Variants in SYT11 observed in about 807,000 individuals in gnomAD.
SYT11 encodes synaptotagmin 11.
SYT11 carries 12 observed loss-of-function variants against 30.4 expected under a neutral mutation model. That is an observed-to-expected ratio of 0.39 (90% CI 0.25 to 0.64). The LOEUF is 0.64. SYT11 is among the 30% of genes least tolerant of loss of function. The pLI is 0.45. For missense variants in SYT11, 412 were observed against 552.0 expected (o/e 0.75, Z 2.54); for synonymous variants, 204 against 216.0 (o/e 0.94, Z 0.49).
chr1:155,878,727 C>T (rs1388035475), intron 2 of SYT11, among the ~76,000 whole-genome samples: 10 of 151,826 alleles, frequency 6.6e-5, no homozygotes, highest in East Asian at 3.9e-4. Context: ...ATTAGCCGGG[C>T]GTGGTGGCGG....
At chr1:155,878,636 C>T (rs904179577) in intron 2 of SYT11, among the ~76,000 whole-genome samples, 12 of 151,368 alleles carry the variant, frequency 7.9e-5, no homozygotes, top group Admixed American at 4.6e-4. Context: ...GAGGCCGAGA[C>T]GGGCGGATCA....
Position 155,859,748 on chromosome 1 carries a change from C to T in SYT11, c.-14C>T. 2 of 1,614,016 alleles carry T rather than the reference C, an allele frequency of 1.2e-6. No individual in the cohort carries two copies. The highest frequency in any genetic ancestry group is 1.7e-5 in the Admixed American group (1 of 60,028). ...CATTGCAAAAACGTTATAGCAACAG[C>T]CTCTGATTACGACATGGCTGAGATC... On this transcript the variant is annotated 5_prime_UTR_variant, in exon 1 of 4. Transcript: ENST00000368324.
intron 1 of SYT11, among the ~76,000 whole-genome samples, chr1:155,863,869 C>T (rs935605370): frequency 1.3e-5 from 2 of 150,974 alleles, no homozygotes; most frequent in Non-Finnish European, 2.9e-5. Flanking sequence ...TGCAGTGAGC[C>T]GAGATCGCGC....
intron 2 of SYT11, among the ~76,000 whole-genome samples, chr1:155,874,972 A>G (rs1425565226): frequency 1.3e-5 from 2 of 148,328 alleles, no homozygotes; most frequent in African/African-American, 4.9e-5. Flanking sequence ...AGCTGACAAT[A>G]GGCCGGGCAT....
rs542333141 is a variant in SYT11, at chr1:155,869,360, G to A, written c.861+569G>A. Among the ~76,000 whole-genome samples the A allele has an allele frequency of 1.1e-3, 131 of 120,574 alleles. 1 individual carries two copies. Among genetic ancestry groups the A allele is most frequent in the African/African-American group, 3.7e-3 (120 of 32,058 alleles). The allele number at this position is 120,574 out of a possible 152,430, so 79.1% of individuals were successfully genotyped here. A position where few individuals can be genotyped will look rare whatever the true frequency, so the allele number is the denominator to read the frequency against. On this transcript the variant is annotated intron_variant, in intron 2 of 3. Transcript: ENST00000368324. ...ATCTCAGCTCATTGCAACCCCCACC[G>A]CCCAGGTTCAAGCTATTCTCCTGCC...
chr1:155,868,285 A>G lies in SYT11; in HGVS notation c.355A>G (p.Ile119Val), dbSNP rs971448004. 20 of 1,613,988 alleles carry G rather than the reference A, an allele frequency of 1.2e-5. No homozygotes were observed. In the African/African-American group the frequency reaches 1.6e-4, roughly 13 times the overall value. The change falls in exon 2 of 4, where the codon ATA (isoleucine) becomes GTA (valine). Residue 119 changes from isoleucine (I) to valine (V), a missense_variant. Ile to Val is a conservative substitution (Grantham distance 29). Transcript: ENST00000368324. This position sits in a 1 kb window ranked among gnomAD's most constrained non-coding sequence, Gnocchi z 4.7. ...CAGGGGGCCTAGCTCTGGATCTTGT[A>G]TAGACCAATTACCCATCAAAATGGA... ...DPRGPSSGSC[I>V]DQLPIKMDYG... is the part of the protein sequence containing the mutation.
chr1:155,867,731 G>A (rs1672703511), intron 1 of SYT11, among the ~76,000 whole-genome samples: 1 of 152,224 alleles, frequency 6.6e-6, no homozygotes. Context: ...CAAGTGGGGT[G>A]CTTCAGAGAA....
intron 1 of SYT11, among the ~76,000 whole-genome samples, chr1:155,866,526 C>T (rs1672678959): frequency 6.6e-6 from 1 of 152,146 alleles, no homozygotes; most frequent in Non-Finnish European, 1.5e-5. Flanking sequence ...CCTCATGAGA[C>T]TTATATTCTA....
rs118085252 is a variant in SYT11 at position 155,867,712 on chromosome 1, A to G, written c.35-253A>G. Among the ~76,000 whole-genome samples the G allele has an allele frequency of 8.0e-4, 122 of 152,336 alleles. 1 individual carries two copies. The East Asian group carries it at 0.021, about 26-fold the overall frequency. ...GTGCTGAGAGAAGGTCTAGGAAAGA[A>G]CATAGAGTCAAGTGGGGTGCTTCAG... On this transcript the variant is annotated intron_variant, in intron 1 of 3. Coordinates refer to ENST00000368324, the MANE Select transcript of SYT11 (RefSeq NM_152280.5).
At position 155,867,750 on chromosome 1, in the gene SYT11, A is replaced by G. The variant is rs140112850; in HGVS notation, c.35-215A>G. 2.6e-5 allele frequency among the ~76,000 whole-genome samples: 4 copies of G among 152,340 alleles called. No homozygotes were observed. In the East Asian group the frequency reaches 7.7e-4, roughly 29 times the overall value. On this transcript the variant is annotated intron_variant, in intron 1 of 3. Transcript: ENST00000368324. ...TGGGGTGCTTCAGAGAAGGCTTTCTATAGAAGGCTGGGAGGAAAAGCCGTG... is the reference window on the plus strand; with the variant it reads ...TGGGGTGCTTCAGAGAAGGCTTTCTGTAGAAGGCTGGGAGGAAAAGCCGTG...
Position 155,860,005 on chromosome 1 carries a change from A to G in SYT11, c.34+210A>G, listed in dbSNP as rs1236589087. Among the ~76,000 whole-genome samples the G allele has an allele frequency of 2.6e-5, 4 of 152,216 alleles. No individual in the cohort carries two copies. The highest frequency in any genetic ancestry group is 7.2e-5 in the African/African-American group (3 of 41,460). ...GGGCTGCAGGGACTGGCAGGGCCTG[A>G]GCCACACCGAGGGTGGGGAAGTCCA... On this transcript the variant is annotated intron_variant, in intron 1 of 3. Coordinates refer to ENST00000368324, the MANE Select transcript of SYT11 (RefSeq NM_152280.5). This position sits in a 1 kb window ranked among gnomAD's most constrained non-coding sequence, Gnocchi z 4.1.
intron 2 of SYT11, among the ~76,000 whole-genome samples, chr1:155,875,817 G>A (rs1446330853): frequency 6.6e-6 from 1 of 152,210 alleles, no homozygotes; most frequent in Non-Finnish European, 1.5e-5. Context: ...TCCTGGAGAT[G>A]ACTTAAGGCC....
rs1672963885 is a variant in SYT11 at position 155,881,575 on chromosome 1, A to G, written c.*67A>G. The G allele has an allele frequency of 2.1e-6, 3 of 1,456,534 alleles. No homozygotes were observed. Among genetic ancestry groups the G allele is most frequent in the Non-Finnish European group, 2.8e-6 (3 of 1,082,278 alleles). 90.2% of individuals were successfully genotyped at this position (1,456,534 alleles called of 1,614,324 possible). ...GAGGGATGTGGAGGGGAAAAAGATG[A>G]CAGAGAAGTGGACTCCAAACCTCAT... On this transcript the variant is annotated 3_prime_UTR_variant, in exon 4 of 4. Transcript: ENST00000368324.
intron 1 of SYT11, 89 bp from the exon 2 acceptor site, chr1:155,867,876 C>A: frequency 9.9e-7 from 1 of 1,012,102 alleles, no homozygotes; most frequent in Non-Finnish European, 1.4e-6. Context: ...TGAAGATTAG[C>A]TTGGCTCCAG....
chr1:155,870,974 A>T (rs1415811205), intron 2 of SYT11, among the ~76,000 whole-genome samples: 1 of 152,194 alleles, frequency 6.6e-6, no homozygotes, highest in African/African-American at 2.4e-5. Flanking sequence ...CCCTCAGGAC[A>T]TCTGGCCCCA....
chr1:155,868,567 A>G lies in SYT11; in HGVS notation c.637A>G (p.Arg213Gly). 1 of 1,614,202 alleles carries G rather than the reference A, an allele frequency of 6.2e-7. No homozygotes were observed. The highest frequency in any genetic ancestry group is 8.5e-7 in the Non-Finnish European group (1 of 1,180,020). ...TGACAAACGGCATCGGGTGAAGACC[A>G]GAGTGCTGCGGAAGACCCTGGACCC... The part of the protein sequence containing the change: ...LPDKRHRVKT[R>G]VLRKTLDPVF... The change falls in exon 2 of 4, where the codon AGA (arginine) becomes GGA (glycine). Residue 213 changes from arginine (R) to glycine (G), a missense_variant. Arg to Gly is a moderately radical substitution (Grantham distance 125). Transcript: ENST00000368324. The surrounding 1 kb of genome is among the most constrained non-coding windows in gnomAD (Gnocchi z 4.7).
Position 155,879,762 on chromosome 1 carries a change from G to A in SYT11, c.862-738G>A, listed in dbSNP as rs1672931701. Among the ~76,000 whole-genome samples, 3 of 152,178 alleles carry A rather than the reference G, an allele frequency of 2.0e-5. No individual in the cohort carries two copies. In the South Asian group the frequency reaches 6.2e-4, roughly 31 times the overall value. On this transcript the variant is annotated intron_variant, in intron 2 of 3. Transcript: ENST00000368324. ...CTTCTATAGTGCGCACTATGTGCTGGGCACCATTGCAGTTTACAAATTTTA... is the reference window on the plus strand; with the variant it reads ...CTTCTATAGTGCGCACTATGTGCTGAGCACCATTGCAGTTTACAAATTTTA...
intron 2 of SYT11, 99 bp from the exon 3 acceptor site, chr1:155,880,401 A>G (rs1240687452): frequency 8.9e-6 from 13 of 1,467,476 alleles, no homozygotes; most frequent in Non-Finnish European, 1.2e-5. Context: ...TCATCCCTGC[A>G]CTTGTCCTCC....
At chr1:155,863,251 C>T (rs1436640830) in intron 1 of SYT11, among the ~76,000 whole-genome samples, 1 of 151,992 alleles carries the variant, frequency 6.6e-6, no homozygotes, top group African/African-American at 2.4e-5. Context: ...GCCAGGAATT[C>T]AAAACCAGAC....
Sources: gnomAD v4.1 joint callset for allele counts (sites outside exome capture counted in the v4.1 genomes callset) on GRCh38, gnomAD v4.1.1 for gene constraint, Gnocchi (gnomAD v3.1) non-coding constraint, MANE v1.5 for transcripts, NCBI Gene and HGNC (gene_info 2026-07-23, HGNC 2026-07-21) for gene names.